Variants in NOL4 observed in about 807,000 individuals in gnomAD.
NOL4 encodes nucleolar protein 4.
NOL4 carries 17 observed loss-of-function variants against 75.9 expected under a neutral mutation model. The ratio of observed to expected loss-of-function variants is 0.22; its 90% CI spans 0.15 to 0.34. The LOEUF (loss-of-function observed/expected upper bound fraction) is 0.34. Among genes scored for constraint, NOL4 ranks in the 10% least tolerant of loss-of-function variants. NOL4 has a pLI of 1.00. For synonymous variants in NOL4, 292 were observed against 289.9 expected (o/e 1.01, Z -0.07); for missense variants, 614 against 793.5 (o/e 0.77, Z 2.72).
rs1481932320 is a variant in NOL4, at chr18:34,105,515, C to T, written c.415-355G>A. On this transcript the variant is annotated intron_variant, in intron 2 of 10. Transcript: ENST00000261592. ...ATTGTTTTTAAACTTACTGCTAGCA[C>T]AATCAAATTTGTATCCAATTTTAAA... Among the ~76,000 whole-genome samples, 6 of 151,952 alleles carry T rather than the reference C, an allele frequency of 3.9e-5. No individual in the cohort carries two copies. In the South Asian group the frequency reaches 1.2e-3, roughly 31 times the overall value.
At chr18:33,955,142 T>C (rs1487980975) in intron 8 of NOL4, among the ~76,000 whole-genome samples, 4 of 152,124 alleles carry the variant, frequency 2.6e-5, no homozygotes, top group African/African-American at 9.7e-5. Flanking sequence ...TATTAATAGC[T>C]ACATAGGTAT....
intron 1 of NOL4, among the ~76,000 whole-genome samples, chr18:34,204,436 A>T (rs1018871699): frequency 7.6e-6 from 1 of 132,158 alleles, no homozygotes; most frequent in Admixed American, 7.2e-5. Flanking sequence ...TCCTTCTCTT[A>T]TCCTTTTATA....
chr18:34,161,093 T>C (rs564357721), intron 1 of NOL4, among the ~76,000 whole-genome samples: 1 of 152,314 alleles, frequency 6.6e-6, no homozygotes, highest in African/African-American at 2.4e-5. Context: ...GCGTGGCTTA[T>C]TTCACTTAAC....
chr18:34,079,177 A>C (rs1039664971), intron 5 of NOL4, among the ~76,000 whole-genome samples: 18 of 152,072 alleles, frequency 1.2e-4, no homozygotes, highest in Non-Finnish European at 1.9e-4. Context: ...ATATTTTGTG[A>C]GGCTTTGGAA....
chr18:34,183,664 A>T (rs975520905), intron 1 of NOL4: 1 of 152,100 alleles, frequency 6.6e-6, no homozygotes, highest in Middle Eastern at 3.4e-3. Flanking sequence ...AAATGAACAA[A>T]CTATTGATTC....
At chr18:34,080,756 T>C (rs1458872254) in intron 5 of NOL4, among the ~76,000 whole-genome samples, 4 of 152,206 alleles carry the variant, frequency 2.6e-5, no homozygotes, top group African/African-American at 9.6e-5. Flanking sequence ...AACACATGTT[T>C]AACTGGGTAA....
At position 33,929,696 on chromosome 18, in the gene NOL4, T is replaced by A. The variant is rs188409268; in HGVS notation, c.1542+13369A>T. ...ATTCTTCCTCACTTGTTTTGTAGCT[T>A]CTTTACTGAGTAAAATATCTGCCAT... On this transcript the variant is annotated intron_variant, in intron 9 of 10. Coordinates refer to ENST00000261592, the MANE Select transcript of NOL4 (RefSeq NM_003787.5). Among the ~76,000 whole-genome samples, 375 of 152,280 alleles carry A rather than the reference T, an allele frequency of 2.5e-3. 1 individual carries two copies. The highest frequency in any genetic ancestry group is 4.3e-3 in the Non-Finnish European group (295 of 68,012).
At chr18:34,000,487 A>AT (rs1262490825) in intron 6 of NOL4, among the ~76,000 whole-genome samples, 1 of 152,112 alleles carries the variant, frequency 6.6e-6, no homozygotes, top group African/African-American at 2.4e-5. Context: ...GTATGTTTTT[A>AT]TACCAGTCTT....
chr18:33,989,667 A>G (rs1430507112), intron 6 of NOL4, among the ~76,000 whole-genome samples: 5 of 152,112 alleles, frequency 3.3e-5, no homozygotes, highest in African/African-American at 1.2e-4. Flanking sequence ...AGGAATTACT[A>G]GGGAAGTATA....
intron 5 of NOL4, among the ~76,000 whole-genome samples, chr18:34,028,617 C>T (rs1399576732): frequency 1.3e-5 from 2 of 152,196 alleles, no homozygotes; most frequent in Admixed American, 6.5e-5. Context: ...AGGATTTCAT[C>T]TCTTGGAATT....
chr18:33,893,479 G>A (rs1003676351), intron 9 of NOL4, among the ~76,000 whole-genome samples: 1 of 152,124 alleles, frequency 6.6e-6, no homozygotes, highest in African/African-American at 2.4e-5. Context: ...ACCTTTGATA[G>A]ACATGTTATT....
intron 10 of NOL4, among the ~76,000 whole-genome samples, chr18:33,880,280 G>A (rs2064182717): frequency 6.8e-6 from 1 of 147,882 alleles, no homozygotes; most frequent in Non-Finnish European, 1.5e-5. Context: ...ACTTTTTTAT[G>A]GTGTTTTTGT....
chr18:33,869,499 C>G (rs759644639), intron 10 of NOL4, among the ~76,000 whole-genome samples: 2 of 151,828 alleles, frequency 1.3e-5, no homozygotes, highest in Non-Finnish European at 2.9e-5. Flanking sequence ...AAACCAGGCT[C>G]TAAGTTTGTA....
At chr18:34,048,069 G>A in intron 5 of NOL4, among the ~76,000 whole-genome samples, 1 of 152,112 alleles carries the variant, frequency 6.6e-6, no homozygotes, top group East Asian at 1.9e-4. Flanking sequence ...TTTTGGTGTT[G>A]AAGAAACACA....
intron 1 of NOL4, among the ~76,000 whole-genome samples, chr18:34,169,548 T>C (rs1801093711): frequency 1.3e-5 from 2 of 150,238 alleles, no homozygotes; most frequent in South Asian, 4.2e-4. Context: ...CAATTGAAAG[T>C]CAGACATCAG....
At chr18:34,175,469 C>T (rs2033460394) in intron 1 of NOL4, among the ~76,000 whole-genome samples, 1 of 152,162 alleles carries the variant, frequency 6.6e-6, no homozygotes, top group Non-Finnish European at 1.5e-5. Context: ...TCTTGAAACT[C>T]TGCAGCATAT....
intron 5 of NOL4, among the ~76,000 whole-genome samples, chr18:34,042,210 A>G (rs1042967865): frequency 5.9e-5 from 9 of 151,996 alleles, no homozygotes; most frequent in Non-Finnish European, 1.0e-4. Flanking sequence ...TCTGCAACCC[A>G]TTCAATCAAA....
At chr18:34,206,971 CTT>C (rs888843807) in intron 1 of NOL4, among the ~76,000 whole-genome samples, 48 of 152,104 alleles carry the variant, frequency 3.2e-4, no homozygotes, top group African/African-American at 9.2e-4. Flanking sequence ...TTCATGGACT[CTT>C]TCATCTGCCA....
chr18:33,862,108 T>A (rs997260083), intron 10 of NOL4, among the ~76,000 whole-genome samples: 1 of 152,030 alleles, frequency 6.6e-6, no homozygotes, highest in African/African-American at 2.4e-5. Context: ...CCCTCAGAAA[T>A]AAAGCCACAT....
Sources: gnomAD v4.1 joint callset for allele counts (sites outside exome capture counted in the v4.1 genomes callset) on GRCh38, gnomAD v4.1.1 for gene constraint, MANE v1.5 for transcripts, NCBI Gene and HGNC (gene_info 2026-07-23, HGNC 2026-07-21) for gene names.